COL23A1: variants seen among roughly 807,000 people sequenced by gnomAD.
COL23A1 encodes the protein collagen alpha-1(XXIII) chain.
Under a neutral mutation model 99.3 loss-of-function variants are expected in COL23A1, and 97 were observed. That is an observed-to-expected ratio of 0.98 (90% CI 0.83 to 1.16). The LOEUF (loss-of-function observed/expected upper bound fraction) is 1.16. COL23A1 is among the 50% of genes most tolerant of loss of function. COL23A1 has a pLI of 0.00. For synonymous variants in COL23A1, 320 were observed against 308.2 expected (o/e 1.04, Z -0.40); for missense variants, 762 against 757.4 (o/e 1.01, Z -0.07).
chr5:178,574,697 CT>C (rs1763264370), intron 1 of COL23A1, among the ~76,000 whole-genome samples: 1 of 152,232 alleles, frequency 6.6e-6, no homozygotes, highest in African/African-American at 2.4e-5. Flanking sequence ...CATTCTGTTT[CT>C]TGCGGCAACC....
chr5:178,461,988 A>C (rs1390941465), intron 2 of COL23A1, among the ~76,000 whole-genome samples: 1 of 152,254 alleles, frequency 6.6e-6, no homozygotes, highest in East Asian at 1.9e-4. Flanking sequence ...CCAGGCAATC[A>C]GACGGTGCAC....
At chr5:178,270,413 C>A in intron 5 of COL23A1, 50 bp from the exon 6 acceptor site, 1 of 1,605,312 alleles carries the variant, frequency 6.2e-7, no homozygotes, top group Non-Finnish European at 8.5e-7. Flanking sequence ...GATGACACTT[C>A]CTCCATGTCT....
At chr5:178,536,796 G>A (rs73344414) in intron 2 of COL23A1, among the ~76,000 whole-genome samples, 2,101 of 152,366 alleles carry the variant, frequency 0.014, 49 homozygotes, top group African/African-American at 0.048. Flanking sequence ...GGTGGGGCAT[G>A]TGCTGAGGGG....
chr5:178,274,979 G>A (rs999860053), intron 5 of COL23A1, among the ~76,000 whole-genome samples: 5 of 152,214 alleles, frequency 3.3e-5, no homozygotes, highest in East Asian at 3.8e-4. Context: ...GCCGGGCTCC[G>A]GGATGTTTCC....
intron 1 of COL23A1, among the ~76,000 whole-genome samples, chr5:178,584,884 A>T (rs1763843474): frequency 6.6e-6 from 1 of 152,120 alleles, no homozygotes; most frequent in South Asian, 2.1e-4. Flanking sequence ...CCCTTCCTGC[A>T]GTGAGGGAAG....
chr5:178,266,048 A>AT (rs1003658024), intron 8 of COL23A1, among the ~76,000 whole-genome samples: 50 of 148,262 alleles, frequency 3.4e-4, no homozygotes, highest in African/African-American at 6.4e-4. Flanking sequence ...TACTTTTTAA[A>AT]TTTTTTTTTT....
At chr5:178,339,775 C>G (rs1469116738) in intron 2 of COL23A1, among the ~76,000 whole-genome samples, 3 of 152,160 alleles carry the variant, frequency 2.0e-5, no homozygotes, top group African/African-American at 7.2e-5. Context: ...TGAAGACTTT[C>G]TTGAACTCAA....
At position 178,311,290 on chromosome 5, in the gene COL23A1, A is replaced by G. The variant is rs149740491; in HGVS notation, c.362-4371T>C. 1.9e-3 allele frequency among the ~76,000 whole-genome samples: 289 copies of G among 152,210 alleles called. 3 individuals carry two copies. The highest frequency in any genetic ancestry group is 6.7e-3 in the African/African-American group (278 of 41,526). On this transcript the variant is annotated intron_variant, in intron 2 of 28. Transcript: ENST00000390654. ...ACCTCATTGAACCTTAGAGTTTCCA[A>G]CTCGGGAGGATAGAGGTTTGGGAGT...
intron 2 of COL23A1, among the ~76,000 whole-genome samples, chr5:178,510,922 A>G (rs963104793): frequency 1.3e-5 from 2 of 152,206 alleles, no homozygotes; most frequent in Admixed American, 1.3e-4. Context: ...AGCCATGTGA[A>G]GTCATTAGAA....
intron 2 of COL23A1, among the ~76,000 whole-genome samples, chr5:178,445,734 TCTA>T (rs1196589776): frequency 1.3e-5 from 2 of 152,034 alleles, no homozygotes; most frequent in Non-Finnish European, 1.5e-5. Context: ...AGAAAATATT[TCTA>T]CTATTAGGAG....
intron 2 of COL23A1, among the ~76,000 whole-genome samples, chr5:178,463,081 C>T (rs1756212849): frequency 6.6e-6 from 1 of 152,232 alleles, no homozygotes; most frequent in African/African-American, 2.4e-5. Flanking sequence ...TCACGCCTCA[C>T]CGCGCAGCGA....
rs545053488 is a variant in COL23A1 at position 178,490,903 on chromosome 5, C to T, written c.361+69779G>A. 2.6e-5 allele frequency among the ~76,000 whole-genome samples: 4 copies of T among 152,254 alleles called. No individual in the cohort carries two copies. The South Asian group carries it at 8.3e-4, about 32-fold the overall frequency. On this transcript the variant is annotated intron_variant, in intron 2 of 28. Coordinates refer to ENST00000390654, the MANE Select transcript of COL23A1 (RefSeq NM_173465.4). ...TGAATTTTACTGCATGTAAATTATACCTCGAGGAGCTTGACTTTAAAACAA... is the reference window on the plus strand; with the variant it reads ...TGAATTTTACTGCATGTAAATTATATCTCGAGGAGCTTGACTTTAAAACAA...
At position 178,281,874 on chromosome 5, in the gene COL23A1, AC is replaced by A. The variant is rs1161636390; in HGVS notation, c.441+6449del. On this transcript the variant is annotated intron_variant, in intron 5 of 28. Coordinates refer to ENST00000390654, the MANE Select transcript of COL23A1 (RefSeq NM_173465.4). This position sits in a 1 kb window ranked among gnomAD's most constrained non-coding sequence, Gnocchi z 4.0. ...AGACCAGCCTGTGCAACATGGCAAAACCCTGTGTCTATTAAAAACACAAAAA... is the reference window on the plus strand; with the variant it reads ...AGACCAGCCTGTGCAACATGGCAAAACCTGTGTCTATTAAAAACACAAAAA... Among the ~76,000 whole-genome samples, 1 of 151,664 alleles carries A rather than the reference AC, an allele frequency of 6.6e-6. No individual in the cohort carries two copies. The highest frequency in any genetic ancestry group is 1.5e-5 in the Non-Finnish European group (1 of 67,942).
chr5:178,478,809 G>A (rs35432095), intron 2 of COL23A1, among the ~76,000 whole-genome samples: 54,606 of 151,972 alleles, frequency 0.36, 11,764 homozygotes, highest in Admixed American at 0.49. Flanking sequence ...CCTTCTGGGT[G>A]CCCTCTTGCT....
intron 2 of COL23A1, among the ~76,000 whole-genome samples, chr5:178,419,747 T>G (rs938943493): frequency 6.6e-6 from 1 of 152,188 alleles, no homozygotes; most frequent in Admixed American, 6.5e-5. Context: ...CAGGCAAAAC[T>G]GAAAACCTAA....
chr5:178,437,756 C>T (rs1410413530), intron 2 of COL23A1, among the ~76,000 whole-genome samples: 1 of 152,194 alleles, frequency 6.6e-6, no homozygotes, highest in Non-Finnish European at 1.5e-5. Context: ...CTCCATCAGT[C>T]CCAGGGCCAG....
chr5:178,481,003 C>T (rs1362248925), intron 2 of COL23A1, among the ~76,000 whole-genome samples: 1 of 151,692 alleles, frequency 6.6e-6, no homozygotes, highest in Non-Finnish European at 1.5e-5. Flanking sequence ...AAAAAATTAG[C>T]TGGGCATGGT....
chr5:178,329,270 G>A (rs887620558), intron 2 of COL23A1, among the ~76,000 whole-genome samples: 6 of 152,310 alleles, frequency 3.9e-5, no homozygotes, highest in South Asian at 2.1e-4. Context: ...ATGGAAATCC[G>A]CTTTGTCTGA....
intron 2 of COL23A1, among the ~76,000 whole-genome samples, chr5:178,357,404 C>T (rs546396804): frequency 6.6e-6 from 1 of 152,220 alleles, no homozygotes; most frequent in Non-Finnish European, 1.5e-5. Context: ...AGCCTCGACT[C>T]AGAGAACTCA....
Sources: gnomAD v4.1 joint callset for allele counts (sites outside exome capture counted in the v4.1 genomes callset) on GRCh38, gnomAD v4.1.1 for gene constraint, Gnocchi (gnomAD v3.1) non-coding constraint, MANE v1.5 for transcripts, NCBI Gene and HGNC (gene_info 2026-07-23, HGNC 2026-07-21) for gene names.